Variants in CRY1 observed in about 807,000 individuals in gnomAD.
The protein encoded by CRY1 is cryptochrome circadian regulator 1, also known as cryptochrome-1.
In CRY1, 45 loss-of-function variants were observed where a neutral mutation model predicts 76.0. That is an observed-to-expected ratio of 0.59 (90% CI 0.47 to 0.76). The LOEUF (loss-of-function observed/expected upper bound fraction) is 0.76, where lower values mean the gene tolerates loss of function less well. CRY1 is among the 30% of genes least tolerant of loss of function. The probability of loss-of-function intolerance (pLI) is 0.00; values close to 1 mark genes in which losing one functional copy is unlikely to be tolerated. For synonymous variants in CRY1, 248 were observed against 244.0 expected, an observed-to-expected ratio of 1.02 and a Z score of -0.15; for missense variants, 587 against 716.4, an observed-to-expected ratio of 0.82 and a Z score of 2.06.
chr12:107,062,834 A>G (rs1049065755), intron 1 of CRY1, among the ~76,000 whole-genome samples: 3 of 152,214 alleles, frequency 2.0e-5, no homozygotes, highest in Non-Finnish European at 4.4e-5. Flanking sequence ...AGAACAGTCC[A>G]GTCAATAGCT....
chr12:107,090,845 T>C (rs962471389), intron 1 of CRY1, among the ~76,000 whole-genome samples: 8 of 152,120 alleles, frequency 5.3e-5, no homozygotes, highest in African/African-American at 1.9e-4. Context: ...GTAAAATACA[T>C]CTCAAACTTA....
intron 1 of CRY1, among the ~76,000 whole-genome samples, chr12:107,036,133 T>C (rs1229305519): frequency 6.6e-6 from 1 of 152,214 alleles, no homozygotes; most frequent in African/African-American, 2.4e-5. Context: ...TACAGGGCTT[T>C]ACATTGCCTT....
chr12:107,086,815 C>T (rs1023459197), intron 1 of CRY1, among the ~76,000 whole-genome samples: 1 of 152,206 alleles, frequency 6.6e-6, no homozygotes, highest in Non-Finnish European at 1.5e-5. Flanking sequence ...AGAGATTCTA[C>T]TAGGCTGGTG....
At chr12:106,996,196 T>C (rs1006182527) in intron 10 of CRY1, among the ~76,000 whole-genome samples, 1 of 152,114 alleles carries the variant, frequency 6.6e-6, no homozygotes, top group Non-Finnish European at 1.5e-5. Flanking sequence ...TCATTCTACT[T>C]CCACTTACAA....
intron 1 of CRY1, among the ~76,000 whole-genome samples, chr12:107,056,838 A>C (rs1952988885): frequency 6.6e-6 from 1 of 152,204 alleles, no homozygotes; most frequent in African/African-American, 2.4e-5. Context: ...GGTAACCAGA[A>C]GACAACAGAA....
chr12:107,088,889 A>G (rs55727817), intron 1 of CRY1, among the ~76,000 whole-genome samples: 18,799 of 152,080 alleles, frequency 0.12, 1,958 homozygotes, highest in African/African-American at 0.27. Context: ...CCCCTTAGCT[A>G]TCACCTCCCA....
chr12:107,088,072 C>A (rs564061943), intron 1 of CRY1, among the ~76,000 whole-genome samples: 1 of 152,022 alleles, frequency 6.6e-6, no homozygotes, highest in African/African-American at 2.4e-5. Flanking sequence ...ATAAATAAGA[C>A]AAGATATTTG....
chr12:107,020,316 T>C (rs146910330), intron 2 of CRY1, among the ~76,000 whole-genome samples: 1,898 of 152,182 alleles, frequency 0.012, 26 homozygotes, highest in Middle Eastern at 0.041. Flanking sequence ...ATTTCAAAAA[T>C]TTGATGAATC....
intron 2 of CRY1, among the ~76,000 whole-genome samples, chr12:107,009,180 A>AT: frequency 6.6e-6 from 1 of 152,126 alleles, no homozygotes; most frequent in East Asian, 1.9e-4. Flanking sequence ...ATATTAATTG[A>AT]TTTTTTTAAT....
chr12:107,046,309 C>G (rs1042240562), intron 1 of CRY1, among the ~76,000 whole-genome samples: 1 of 149,756 alleles, frequency 6.7e-6, no homozygotes, highest in African/African-American at 2.5e-5. Flanking sequence ...AAAAAATGCT[C>G]AAAGGCATCC....
At chr12:107,060,280 G>C (rs1386724664) in intron 1 of CRY1, among the ~76,000 whole-genome samples, 2 of 152,208 alleles carry the variant, frequency 1.3e-5, no homozygotes, top group African/African-American at 2.4e-5. Flanking sequence ...AAGATGTGAT[G>C]AGGCCAGGAG....
intron 1 of CRY1, among the ~76,000 whole-genome samples, chr12:107,024,025 G>T (rs968238183): frequency 6.6e-6 from 1 of 152,110 alleles, no homozygotes; most frequent in Admixed American, 6.5e-5. Context: ...AAGATCGAAG[G>T]GTTTTTACAC....
chr12:107,022,464 AC>A (rs1182194847), intron 1 of CRY1, among the ~76,000 whole-genome samples: 2 of 152,052 alleles, frequency 1.3e-5, no homozygotes, highest in Admixed American at 1.3e-4. Flanking sequence ...GAACATAAAA[AC>A]ATACAAAGAA....
chr12:107,065,551 C>A (rs766587610), intron 1 of CRY1, among the ~76,000 whole-genome samples: 2 of 151,304 alleles, frequency 1.3e-5, no homozygotes, highest in African/African-American at 2.4e-5. Flanking sequence ...GCTGAGATTG[C>A]GCCATTGCAC....
chr12:107,022,129 A>G lies in CRY1; in HGVS notation c.222T>C (p.Phe74=). 6.2e-7 allele frequency: 1 copy of G among 1,604,548 alleles called. No individual in the cohort carries two copies. Among genetic ancestry groups the G allele is most frequent in the Non-Finnish European group, 8.5e-7 (1 of 1,175,210 alleles). Residue 74 remains phenylalanine (F), a synonymous_variant, in exon 2 of 13, where the codon TTT becomes TTC. Transcript: ENST00000008527. The stretch of plus-strand genomic sequence containing the variant: ...CATCTGCTGGTTGTCCACGAATCAC[A>G]AACAGACGGGAGTTTAATTTTCGTA... ...ANLRKLNSRL[F]VIRGQPADVF...
At chr12:107,068,208 TTTACA>T (rs1953136228) in intron 1 of CRY1, among the ~76,000 whole-genome samples, 1 of 152,178 alleles carries the variant, frequency 6.6e-6, no homozygotes, top group South Asian at 2.1e-4. Context: ...CATCTGGCCC[TTTACA>T]TTAAAAGTTT....
At chr12:107,022,584 C>T (rs1391970407) in intron 1 of CRY1, among the ~76,000 whole-genome samples, 1 of 151,410 alleles carries the variant, frequency 6.6e-6, no homozygotes, top group Non-Finnish European at 1.5e-5. Flanking sequence ...AGAATATCTT[C>T]TGCTGGGGGG....
chr12:107,051,824 T>G (rs941318070), intron 1 of CRY1, among the ~76,000 whole-genome samples: 4 of 152,128 alleles, frequency 2.6e-5, no homozygotes, highest in African/African-American at 9.6e-5. Flanking sequence ...TACTAATTTT[T>G]ATCTATTTTT....
chr12:107,049,403 C>T (rs1952890648), intron 1 of CRY1, among the ~76,000 whole-genome samples: 1 of 152,144 alleles, frequency 6.6e-6, no homozygotes, highest in Non-Finnish European at 1.5e-5. Flanking sequence ...GGGATGGGGT[C>T]TCATTCTGTT....
Sources: gnomAD v4.1 joint callset for allele counts (sites outside exome capture counted in the v4.1 genomes callset) on GRCh38, gnomAD v4.1.1 for gene constraint, MANE v1.5 for transcripts, NCBI Gene and HGNC (gene_info 2026-07-23, HGNC 2026-07-21) for gene names.